Variants in SNAP47 observed in about 807,000 individuals in gnomAD.
SNAP47 encodes synaptosomal-associated protein 47.
SNAP47 carries 20 observed loss-of-function variants against 31.4 expected under a neutral mutation model. The observed-to-expected ratio is 0.64, with a 90% CI of 0.45 to 0.93. SNAP47 has a LOEUF of 0.93. SNAP47 is among the 40% of genes least tolerant of loss of function. The probability of loss-of-function intolerance (pLI) is 0.00; values close to 1 mark genes in which losing one functional copy is unlikely to be tolerated. For missense variants in SNAP47, 492 were observed against 528.5 expected, an observed-to-expected ratio of 0.93 and a Z score of 0.68; for synonymous variants, 194 against 213.4, an observed-to-expected ratio of 0.91 and a Z score of 0.79.
chr1:227,774,872 T>C (rs1664055618), intron 4 of SNAP47, among the ~76,000 whole-genome samples: 1 of 152,196 alleles, frequency 6.6e-6, no homozygotes, highest in Non-Finnish European at 1.5e-5. Flanking sequence ...TTAATGGGAA[T>C]CTCCATCCCT....
intron 4 of SNAP47, among the ~76,000 whole-genome samples, chr1:227,778,719 G>A (rs1664295706): frequency 6.6e-6 from 1 of 152,198 alleles, no homozygotes; most frequent in Non-Finnish European, 1.5e-5. Flanking sequence ...TTGGGTGTGG[G>A]CCACGTGAGA....
chr1:227,753,770 C>T (rs1662523881), intron 2 of SNAP47, among the ~76,000 whole-genome samples: 1 of 151,962 alleles, frequency 6.6e-6, no homozygotes, highest in Non-Finnish European at 1.5e-5. Context: ...GCACTGAAGC[C>T]AGCCACTGAA....
intron 4 of SNAP47, chr1:227,775,679 T>C: frequency 1.8e-6 from 2 of 1,104,492 alleles, no homozygotes; most frequent in Non-Finnish European, 2.4e-6. Context: ...AGCTGCTTTG[T>C]AGGTGGGCCC....
chr1:227,775,498 A>G (rs1664104814), intron 4 of SNAP47, among the ~76,000 whole-genome samples: 1 of 152,310 alleles, frequency 6.6e-6, no homozygotes, highest in East Asian at 1.9e-4. Flanking sequence ...CAGAGCAGAC[A>G]TGTCCCATGG....
chr1:227,757,478 T>C (rs898500901), intron 2 of SNAP47, among the ~76,000 whole-genome samples: 2 of 152,222 alleles, frequency 1.3e-5, no homozygotes, highest in Non-Finnish European at 2.9e-5. Flanking sequence ...CAAACGCCAG[T>C]CAGCAAACTG....
At chr1:227,767,525 ATGTGTG>A (rs965636535) in intron 4 of SNAP47, among the ~76,000 whole-genome samples, 1 of 149,124 alleles carries the variant, frequency 6.7e-6, no homozygotes, top group African/African-American at 2.6e-5. Flanking sequence ...GTGCATGTGC[ATGTGTG>A]TGTACTTGTG....
chr1:227,776,032 C>T, intron 4 of SNAP47: 1 of 1,199,312 alleles, frequency 8.3e-7, no homozygotes, highest in Non-Finnish European at 1.1e-6. Context: ...TGGCCATAAG[C>T]TGGCAGTGTC....
At chr1:227,773,329 GA>G (rs1663945760) in intron 4 of SNAP47, among the ~76,000 whole-genome samples, 1 of 151,966 alleles carries the variant, frequency 6.6e-6, no homozygotes, top group Non-Finnish European at 1.5e-5. Context: ...CAGCATATAG[GA>G]TAAGAATATA....
chr1:227,738,006 GT>G (rs933965380), intron 1 of SNAP47, among the ~76,000 whole-genome samples: 1 of 151,464 alleles, frequency 6.6e-6, no homozygotes, highest in Non-Finnish European at 1.5e-5. Context: ...TTTTGCTTTG[GT>G]TTTTTTTGGT....
At chr1:227,761,833 G>GGTGC (rs757274069) in intron 3 of SNAP47, among the ~76,000 whole-genome samples, 16 of 152,160 alleles carry the variant, frequency 1.1e-4, no homozygotes, top group Non-Finnish European at 1.6e-4. Context: ...CCATGTTGCC[G>GGTGC]ACCTGGCTGC....
rs1321144303 is a variant in SNAP47, at chr1:227,763,110, C to A, written c.988+3625C>A. On this transcript the variant is annotated intron_variant, in intron 3 of 4. Transcript: ENST00000617596. The surrounding 1 kb of genome is among the most constrained non-coding windows in gnomAD (Gnocchi z 4.2). ...TAGCTGGGACTATAGGCACATATCA[C>A]CATGCCCAGCTAATTTTTTTTTTTT... Among the ~76,000 whole-genome samples, 1 of 152,038 alleles carries A rather than the reference C, an allele frequency of 6.6e-6. No individual in the cohort carries two copies. Among genetic ancestry groups the A allele is most frequent in the Non-Finnish European group, 1.5e-5 (1 of 67,998 alleles).
In SNAP47 at chr1:227,776,714, A is replaced by G. The variant is rs560200297; in HGVS notation, c.1114-3813A>G. The G allele has an allele frequency of 1.5e-4, 145 of 985,496 alleles. No homozygotes were observed. In the Middle Eastern group the frequency reaches 2.6e-3, roughly 18 times the overall value. The allele number at this position is 985,496 out of a possible 1,614,324, so 61.0% of individuals were successfully genotyped here. On this transcript the variant is annotated intron_variant, in intron 4 of 4. Coordinates refer to ENST00000617596, the MANE Select transcript of SNAP47 (RefSeq NM_053052.4). ...ATCTGGACCTGCACTCCAGGACACT[A>G]GCAGTTTGAAGGTTCGCTCAGGAAT...
chr1:227,738,435 TTC>T (rs990024084), intron 1 of SNAP47, among the ~76,000 whole-genome samples: 14 of 152,266 alleles, frequency 9.2e-5, no homozygotes, highest in African/African-American at 3.4e-4. Context: ...CTCTCCACTC[TTC>T]TCTCCCCCCA....
chr1:227,767,123 C>G, intron 4 of SNAP47, 40 bp downstream of exon 4: 1 of 1,610,186 alleles, frequency 6.2e-7, no homozygotes, highest in Non-Finnish European at 8.5e-7. Context: ...GCGCTGTGTC[C>G]CAGTCTTCCC....
intron 4 of SNAP47, chr1:227,776,976 G>C (rs1369153589): frequency 8.1e-6 from 8 of 985,288 alleles, no homozygotes; most frequent in East Asian, 2.3e-4. Context: ...AGGCAGATCA[G>C]CTGGTCTTAG....
intron 3 of SNAP47, among the ~76,000 whole-genome samples, chr1:227,765,779 C>T (rs1288260172): frequency 2.6e-5 from 4 of 152,184 alleles, no homozygotes; most frequent in African/African-American, 7.2e-5. Flanking sequence ...GCTGCTCCCT[C>T]TTTAGGGCCA....
upstream of SNAP47, chr1:227,730,445 C>G (rs1184151694): frequency 6.7e-6 from 1 of 149,322 alleles, no homozygotes; most frequent in African/African-American, 2.5e-5. Context: ...TTTTGCCAAT[C>G]TGGAGTGAGG....
chr1:227,739,578 C>T (rs1029166613), intron 1 of SNAP47, among the ~76,000 whole-genome samples: 2 of 152,168 alleles, frequency 1.3e-5, no homozygotes, highest in Non-Finnish European at 2.9e-5. Flanking sequence ...TTCTTGGTTG[C>T]GAGGTAGTGG....
chr1:227,735,339 G>A (rs779223500), upstream of SNAP47: 29 of 1,598,168 alleles, frequency 1.8e-5, no homozygotes, highest in Non-Finnish European at 2.5e-5. Flanking sequence ...GTGAGGACCA[G>A]CCTCGGAACC....
Sources: gnomAD v4.1 joint callset for allele counts (sites outside exome capture counted in the v4.1 genomes callset) on GRCh38, gnomAD v4.1.1 for gene constraint, Gnocchi (gnomAD v3.1) non-coding constraint, MANE v1.5 for transcripts, NCBI Gene and HGNC (gene_info 2026-07-23, HGNC 2026-07-21) for gene names.